Variants in GRM7 observed in about 807,000 individuals in gnomAD.
GRM7 encodes metabotropic glutamate receptor 7.
GRM7 carries 35 observed loss-of-function variants against 84.5 expected under a neutral mutation model. The observed-to-expected ratio is 0.41, with a 90% CI of 0.32 to 0.55. The LOEUF (loss-of-function observed/expected upper bound fraction) is 0.55. Among genes scored for constraint, GRM7 ranks in the 20% least tolerant of loss-of-function variants. The pLI is 0.19. For synonymous variants in GRM7, 487 were observed against 455.1 expected (o/e 1.07, Z -0.89); for missense variants, 1,003 against 1,194.6 (o/e 0.84, Z 2.36).
chr3:7,472,960 C>A (rs760516865), intron 7 of GRM7, among the ~76,000 whole-genome samples: 11 of 152,062 alleles, frequency 7.2e-5, no homozygotes, highest in Non-Finnish European at 2.9e-5. Flanking sequence ...AAAAGTATCT[C>A]AAAAAGGTAA....
intron 4 of GRM7, among the ~76,000 whole-genome samples, chr3:7,326,302 C>A (rs552061731): frequency 6.6e-6 from 1 of 152,006 alleles, no homozygotes; most frequent in Non-Finnish European, 1.5e-5. Flanking sequence ...CAGTGTTGGG[C>A]TAATTTTGTC....
chr3:7,258,054 T>A (rs533404988), intron 2 of GRM7, among the ~76,000 whole-genome samples: 3 of 151,902 alleles, frequency 2.0e-5, no homozygotes, highest in East Asian at 1.9e-4. Context: ...TGCATCATAT[T>A]TTTTTTTGAT....
At chr3:7,170,089 G>A (rs952531495) in intron 2 of GRM7, among the ~76,000 whole-genome samples, 2 of 152,152 alleles carry the variant, frequency 1.3e-5, no homozygotes, top group Non-Finnish European at 2.9e-5. Context: ...TGAGACTCAT[G>A]TTCTGGGGAC....
chr3:6,979,493 C>T (rs985164359), intron 1 of GRM7, among the ~76,000 whole-genome samples: 3 of 152,054 alleles, frequency 2.0e-5, no homozygotes, highest in African/African-American at 4.8e-5. Flanking sequence ...TAGTAATGCA[C>T]GTAGATTTAT....
intron 4 of GRM7, among the ~76,000 whole-genome samples, chr3:7,307,515 A>T (rs557514698): frequency 6.6e-6 from 1 of 152,198 alleles, no homozygotes; most frequent in African/African-American, 2.4e-5. Flanking sequence ...TCTCCACTCA[A>T]ATCTAATTAA....
chr3:7,308,635 G>A (rs1409185385), intron 4 of GRM7, among the ~76,000 whole-genome samples: 2 of 152,110 alleles, frequency 1.3e-5, no homozygotes, highest in African/African-American at 2.4e-5. Flanking sequence ...AAGAGCATCC[G>A]CATGTGTGAG....
At chr3:7,279,193 T>C (rs1488734997) in intron 2 of GRM7, among the ~76,000 whole-genome samples, 1 of 152,158 alleles carries the variant, frequency 6.6e-6, no homozygotes, top group Non-Finnish European at 1.5e-5. Context: ...CAAAATCTTA[T>C]TCTCTAAAAG....
Position 7,061,235 on chromosome 3 carries a change from A to C in GRM7, c.520-85217A>C, listed in dbSNP as rs77572622. Among the ~76,000 whole-genome samples the C allele has an allele frequency of 6.2e-3, 946 of 151,944 alleles. 11 individuals carry two copies. The highest frequency in any genetic ancestry group is 0.022 in the African/African-American group (902 of 41,522). On this transcript the variant is annotated intron_variant, in intron 1 of 9. Coordinates refer to ENST00000357716, the MANE Select transcript of GRM7 (RefSeq NM_000844.4). ...TATATTGGTTGAATTGTTCTTAGGTAGTTGCTGTGTAACTGTTGGTTATAA... is the reference window on the plus strand; with the variant it reads ...TATATTGGTTGAATTGTTCTTAGGTCGTTGCTGTGTAACTGTTGGTTATAA...
chr3:7,374,913 A>C (rs1353614906), intron 4 of GRM7, among the ~76,000 whole-genome samples: 2 of 152,050 alleles, frequency 1.3e-5, no homozygotes, highest in East Asian at 3.9e-4. Flanking sequence ...TAAAATGGAG[A>C]TTATAATTCC....
In GRM7 at chr3:7,336,534, C is replaced by G. The variant is rs115178080; in HGVS notation, c.1033+29882C>G. 7.0e-3 allele frequency among the ~76,000 whole-genome samples: 1,069 copies of G among 151,972 alleles called. 19 individuals carry two copies. The highest frequency in any genetic ancestry group is 0.025 in the African/African-American group (1,020 of 41,500). ...TTTTATTCAACATAATACTGGAAGT[C>G]CTCACCAGAGCAATTAGACAAGAGA... On this transcript the variant is annotated intron_variant, in intron 4 of 9. Coordinates refer to ENST00000357716, the MANE Select transcript of GRM7 (RefSeq NM_000844.4).
At chr3:7,404,972 G>A (rs1359185222) in intron 4 of GRM7, among the ~76,000 whole-genome samples, 2 of 152,116 alleles carry the variant, frequency 1.3e-5, no homozygotes, top group African/African-American at 2.4e-5. Flanking sequence ...AAAGCACCAT[G>A]TGTTTTTCTT....
At chr3:7,392,909 G>A (rs6805423) in intron 4 of GRM7, among the ~76,000 whole-genome samples, 23,153 of 152,040 alleles carry the variant, frequency 0.15, 1,863 homozygotes, top group East Asian at 0.3. Context: ...GACATATACG[G>A]GGTAGCCAGG....
chr3:7,682,460 T>G (rs1199913393), intron 9 of GRM7: 1 of 152,026 alleles, frequency 6.6e-6, no homozygotes, highest in Non-Finnish European at 1.5e-5. Context: ...TTAGTGGCTT[T>G]TTATTATAGG....
chr3:7,711,190 G>A (rs1252242014), intron 9 of GRM7, among the ~76,000 whole-genome samples: 1 of 152,202 alleles, frequency 6.6e-6, no homozygotes, highest in Non-Finnish European at 1.5e-5. Context: ...CATAAGGGCA[G>A]TATATCAAGA....
At chr3:6,963,873 A>G (rs1693398309) in intron 1 of GRM7, among the ~76,000 whole-genome samples, 2 of 152,188 alleles carry the variant, frequency 1.3e-5, no homozygotes, top group Non-Finnish European at 2.9e-5. Flanking sequence ...CACTCTGCAC[A>G]TCAGATTTGC....
At chr3:7,584,831 G>A (rs950883566) in intron 8 of GRM7, among the ~76,000 whole-genome samples, 2 of 152,070 alleles carry the variant, frequency 1.3e-5, no homozygotes, top group African/African-American at 4.8e-5. Flanking sequence ...TATTTCAATA[G>A]AAATACAATT....
intron 4 of GRM7, among the ~76,000 whole-genome samples, chr3:7,376,431 A>G (rs1694353300): frequency 6.6e-6 from 1 of 152,198 alleles, no homozygotes; most frequent in Admixed American, 6.5e-5. Context: ...TAAGGAAAAC[A>G]GGTGAGGAAC....
chr3:7,183,274 C>T (rs534390953), intron 2 of GRM7, among the ~76,000 whole-genome samples: 2 of 152,144 alleles, frequency 1.3e-5, no homozygotes, highest in Non-Finnish European at 2.9e-5. Context: ...TAGCTGTGTA[C>T]AGGGGAGCAA....
intron 4 of GRM7, among the ~76,000 whole-genome samples, chr3:7,316,351 T>G (rs1279269564): frequency 1.3e-5 from 2 of 152,074 alleles, no homozygotes; most frequent in East Asian, 3.9e-4. Flanking sequence ...TATTGGCTAT[T>G]AGGCTGAATG....
Sources: allele counts gnomAD v4.1 joint callset (sites outside exome capture counted in the v4.1 genomes callset), GRCh38; gene constraint gnomAD v4.1.1; transcripts MANE v1.5; gene names NCBI Gene and HGNC (gene_info 2026-07-23, HGNC 2026-07-21).